The following RASA3 variants were observed in gnomAD, a reference collection of about 807,000 sequenced individuals.
The protein encoded by RASA3 is RAS p21 protein activator 3.
In RASA3, 73 loss-of-function variants were observed where a neutral mutation model predicts 110.0. That is an observed-to-expected ratio of 0.66 (90% CI 0.55 to 0.81). RASA3 has a LOEUF of 0.81. Among genes scored for constraint, RASA3 ranks in the 30% least tolerant of loss-of-function variants. The probability of loss-of-function intolerance (pLI) is 0.00; values close to 1 mark genes in which losing one functional copy is unlikely to be tolerated. For synonymous variants in RASA3, 500 were observed against 451.4 expected (o/e 1.11, Z -1.37); for missense variants, 976 against 1,113.2 (o/e 0.88, Z 1.75).
rs1012663410 is a variant in RASA3 at position 114,014,264 on chromosome 13, G to A, written c.1405+945C>T. On this transcript the variant is annotated intron_variant, in intron 14 of 23. Transcript: ENST00000334062. This position sits in a 1 kb window ranked among gnomAD's most constrained non-coding sequence, Gnocchi z 4.5. ...TGGTCTGTGCTCATCTGGGTGAGAG[G>A]ATGTGTTTTATCTCTTCACTTCCAC... 6.6e-6 allele frequency among the ~76,000 whole-genome samples: 1 copy of A among 152,226 alleles called. No individual in the cohort carries two copies. The highest frequency in any genetic ancestry group is 2.4e-5 in the African/African-American group (1 of 41,462).
chr13:114,068,161 T>TC (rs1242197128), intron 2 of RASA3, among the ~76,000 whole-genome samples: 1 of 151,978 alleles, frequency 6.6e-6, no homozygotes, highest in Non-Finnish European at 1.5e-5. Context: ...CGGCCCCTTC[T>TC]CCCCGAGATG....
intron 1 of RASA3, among the ~76,000 whole-genome samples, chr13:114,093,331 G>T (rs1299513913): frequency 2.0e-5 from 3 of 152,166 alleles, no homozygotes; most frequent in Admixed American, 2.0e-4. Flanking sequence ...GCTTTGCTGG[G>T]TACACTATTT....
At position 114,000,177 on chromosome 13, in the gene RASA3, C is replaced by T. The variant is rs373931119; in HGVS notation, c.1850-510G>A. Among the ~76,000 whole-genome samples, 621 of 145,082 alleles carry T rather than the reference C, an allele frequency of 4.3e-3. 4 individuals carry two copies. In the Middle Eastern group the frequency reaches 0.044, roughly 10 times the overall value. On this transcript the variant is annotated intron_variant, in intron 19 of 23. Transcript: ENST00000334062. ...GGGGTGTCTCTGCTGGGGGTCTCTG[C>T]CAGCTGGGGGTCTCTGCTGGGGTGC...
intron 1 of RASA3, among the ~76,000 whole-genome samples, chr13:114,125,349 C>T (rs2080431077): frequency 6.6e-6 from 1 of 152,170 alleles, no homozygotes; most frequent in Admixed American, 6.5e-5. Context: ...AGTATGGAGG[C>T]ATCTGCTTCT....
intron 1 of RASA3, among the ~76,000 whole-genome samples, chr13:114,107,066 CATCTGG>C (rs2080144223): frequency 6.6e-6 from 1 of 152,238 alleles, no homozygotes; most frequent in African/African-American, 2.4e-5. Flanking sequence ...TGCACGGCCA[CATCTGG>C]ATCAGATGTG....
rs970333503 is a variant in RASA3 at position 113,979,176 on chromosome 13, C to T, written c.*171G>A. On this transcript the variant is annotated 3_prime_UTR_variant, in exon 24 of 24. Transcript: ENST00000334062. Reference sequence around the variant, plus strand: ...GGTGGGCTTTCTGCGGAGGGCGTGGCGGTGGTGGCAGCGGTTCTGGGAGAG... The same window carrying T: ...GGTGGGCTTTCTGCGGAGGGCGTGGTGGTGGTGGCAGCGGTTCTGGGAGAG... 10 of 630,004 alleles carry T rather than the reference C, an allele frequency of 1.6e-5. No homozygotes were observed. Among genetic ancestry groups the T allele is most frequent in the African/African-American group, 1.5e-4 (8 of 54,942 alleles). The allele number at this position is 630,004 out of a possible 1,614,324, so 39.0% of individuals were successfully genotyped here.
rs771185637 is a variant in RASA3, at chr13:113,992,542, T to A, written c.2188A>T (p.Thr730Ser). The change falls in exon 22 of 24, where the codon ACG (threonine) becomes TCG (serine). Residue 730 changes from threonine (T) to serine (S), a missense_variant. Thr to Ser is a moderately conservative substitution (Grantham distance 58, BLOSUM62 1). Coordinates refer to ENST00000334062, the MANE Select transcript of RASA3 (RefSeq NM_007368.4). The stretch of plus-strand genomic sequence containing the variant: ...TTGAAGAGGGAGTAGATACGCTCCG[T>A]CTCACGGTCCCCATCAATGTCCAGC... ...IQLDIDGDRE[T>S]ERIYSLFNLY... 1.2e-6 allele frequency: 2 copies of A among 1,613,652 alleles called. No individual in the cohort carries two copies. The highest frequency in any genetic ancestry group is 1.7e-6 in the Non-Finnish European group (2 of 1,179,972).
intron 1 of RASA3, among the ~76,000 whole-genome samples, chr13:114,109,792 G>A (rs911636161): frequency 2.6e-5 from 4 of 152,138 alleles, no homozygotes; most frequent in Non-Finnish European, 5.9e-5. Context: ...CAGAGGCGGG[G>A]CTGGCGCAGG....
chr13:114,064,373 C>T (rs1255659770), intron 2 of RASA3, among the ~76,000 whole-genome samples: 1 of 152,210 alleles, frequency 6.6e-6, no homozygotes, highest in Non-Finnish European at 1.5e-5. Flanking sequence ...AGTCTGAGGA[C>T]AGCAGCTTTC....
intron 2 of RASA3, among the ~76,000 whole-genome samples, chr13:114,067,072 GC>G (rs1361131097): frequency 1.4e-5 from 2 of 147,736 alleles, no homozygotes; most frequent in Admixed American, 6.7e-5. Context: ...CTGAGGACAG[GC>G]CCCCCAACCT....
chr13:114,029,582 A>C (rs2054105411), intron 5 of RASA3, among the ~76,000 whole-genome samples: 1 of 42,818 alleles, frequency 2.3e-5, no homozygotes, highest in African/African-American at 1.1e-4. Flanking sequence ...CAGGACCTCT[A>C]AAACGGCGTC....
At position 114,018,272 on chromosome 13, in the gene RASA3, C is replaced by T; in HGVS notation, c.943-20G>A. On this transcript the variant is annotated intron_variant, in intron 10 of 23. Transcript: ENST00000334062. The stretch of plus-strand genomic sequence containing the variant: ...CACGGGCTGCGGGGAGGGGTGAGGT[C>T]AGTGCCAGGGCCCGGGGTGCAGGAA... 1 of 1,546,360 alleles carries T rather than the reference C, an allele frequency of 6.5e-7. No homozygotes were observed. The highest frequency in any genetic ancestry group is 8.7e-7 in the Non-Finnish European group (1 of 1,145,192).
At position 114,073,722 on chromosome 13, in the gene RASA3, G is replaced by C. The variant is rs2079618563; in HGVS notation, c.171C>G (p.Leu57=). 2 of 1,610,446 alleles carry C rather than the reference G, an allele frequency of 1.2e-6. No individual in the cohort carries two copies. The highest frequency in any genetic ancestry group is 4.5e-5 in the East Asian group (2 of 44,866). Residue 57 remains leucine (L), a splice_region_variant and synonymous_variant, in exon 2 of 24, where the codon CTC becomes CTG. Transcript: ENST00000334062. The part of the protein sequence containing the change: ...VFRTKIVEKS[L]CPFYGEDFYC... ...AGTAAAGCAACAGAAGACATTACCA[G>C]AGTGACTTTTCCACAATTTTGGTCC...
chr13:114,121,201 C>T (rs1006074849), intron 1 of RASA3, among the ~76,000 whole-genome samples: 6 of 152,240 alleles, frequency 3.9e-5, no homozygotes, highest in Non-Finnish European at 5.9e-5. Flanking sequence ...CCCAGCACTG[C>T]GGCCGGGGGC....
In RASA3 at chr13:114,096,618, C is replaced by T. The variant is rs769542307; in HGVS notation, c.56-22781G>A. On this transcript the variant is annotated intron_variant, in intron 1 of 23. Coordinates refer to ENST00000334062, the MANE Select transcript of RASA3 (RefSeq NM_007368.4). This position sits in a 1 kb window ranked among gnomAD's most constrained non-coding sequence, Gnocchi z 5.1. ...TATGGGAACAACTGCTCCTTTCCAG[C>T]CAAATGACCCATTTCCCAAACGCCT... Among the ~76,000 whole-genome samples, 1 of 152,156 alleles carries T rather than the reference C, an allele frequency of 6.6e-6. No homozygotes were observed. Among genetic ancestry groups the T allele is most frequent in the Non-Finnish European group, 1.5e-5 (1 of 68,026 alleles).
At chr13:113,995,859 C>CGGCTGATGGGGAGGCCA (rs2053235759) in intron 21 of RASA3, among the ~76,000 whole-genome samples, 1 of 85,356 alleles carries the variant, frequency 1.2e-5, no homozygotes, top group Non-Finnish European at 2.3e-5. Context: ...ACGGGGGGCC[C>CGGCTGATGGGGAGGCCA]GGCTGATGGG....
intron 3 of RASA3, among the ~76,000 whole-genome samples, chr13:114,049,224 C>A (rs1307769890): frequency 6.6e-6 from 1 of 152,122 alleles, no homozygotes; most frequent in East Asian, 1.9e-4. Context: ...AAGCCAGTGG[C>A]CACCGCGCAC....
In RASA3 at chr13:114,015,285, C is replaced by G. The variant is rs767471956; in HGVS notation, c.1329G>C (p.Glu443Asp). 3 of 1,613,098 alleles carry G rather than the reference C, an allele frequency of 1.9e-6. No homozygotes were observed. In the African/African-American group the frequency reaches 4.0e-5, roughly 22 times the overall value. Reference sequence around the variant, plus strand: ...TGACGGTCGGGCAGCTCACCCCAGACTCAGTGATGGCGTGGAAGACGCGGT... The same window carrying G: ...TGACGGTCGGGCAGCTCACCCCAGAGTCAGTGATGGCGTGGAAGACGCGGT... ...YVDRVFHAIT[E>D]SGVSCPTVMC... Residue 443 changes from glutamate to aspartate, a missense_variant, in exon 14 of 24, where the codon GAG (glutamate) becomes GAC (aspartate). This residue lies in a region of RASA3 where 732 missense variants were observed against 779.7 expected (regional missense o/e 0.94). Transcript: ENST00000334062.
chr13:114,068,318 C>T (rs181820418), intron 2 of RASA3, among the ~76,000 whole-genome samples: 9 of 152,382 alleles, frequency 5.9e-5, no homozygotes, highest in Non-Finnish European at 1.2e-4. Flanking sequence ...GCAGAGCCTC[C>T]CTGAGCCAGG....
Sources: gnomAD v4.1 joint callset for allele counts (sites outside exome capture counted in the v4.1 genomes callset) on GRCh38, gnomAD v4.1.1 for gene constraint, gnomAD v4.1.1 regional missense constraint, Gnocchi (gnomAD v3.1) non-coding constraint, MANE v1.5 for transcripts, NCBI Gene and HGNC (gene_info 2026-07-23, HGNC 2026-07-21) for gene names.